GLT8D2: variants seen among roughly 807,000 people sequenced by gnomAD.
The protein encoded by GLT8D2 is glycosyltransferase 8 domain-containing protein 2.
GLT8D2 carries 45 observed loss-of-function variants against 44.5 expected under a neutral mutation model. That is an observed-to-expected ratio of 1.01 (90% CI 0.80 to 1.30). The LOEUF (loss-of-function observed/expected upper bound fraction) is 1.30. Ranked by LOEUF, GLT8D2 falls within the 50% of genes most tolerant of loss-of-function variation. GLT8D2 has a pLI of 0.00. For missense variants in GLT8D2, 400 were observed against 430.4 expected (o/e 0.93, Z 0.62); for synonymous variants, 156 against 157.2 (o/e 0.99, Z 0.06).
At chr12:104,008,542 C>G (rs776409327) in intron 4 of GLT8D2, among the ~76,000 whole-genome samples, 3 of 151,812 alleles carry the variant, frequency 2.0e-5, no homozygotes, top group Middle Eastern at 3.4e-3. Flanking sequence ...TGCAGCCTGA[C>G]AATGTGATAG....
At chr12:104,045,936 A>AAAGAAAG (rs1881080150) in intron 1 of GLT8D2, among the ~76,000 whole-genome samples, 1 of 118,260 alleles carries the variant, frequency 8.5e-6, no homozygotes, top group Non-Finnish European at 1.9e-5. Context: ...AGAAAGAAAG[A>AAAGAAAG]AAAAGAAAGA....
intron 5 of GLT8D2, among the ~76,000 whole-genome samples, chr12:104,001,694 A>ATTTATTTATTTATATT (rs1874240020): frequency 6.6e-6 from 1 of 151,922 alleles, no homozygotes; most frequent in African/African-American, 2.4e-5. Context: ...TTATTTATTT[A>ATTTATTTATTTATATT]TTTTTTATTT....
intron 9 of GLT8D2, 126 bp from the exon 10 acceptor site, chr12:103,993,630 T>G: frequency 1.6e-6 from 1 of 618,206 alleles, no homozygotes; most frequent in Non-Finnish European, 2.7e-6. Flanking sequence ...TGGCCTTTCA[T>G]TCTCCCCCAA....
chr12:103,996,123 C>T (rs1450459749), intron 8 of GLT8D2, among the ~76,000 whole-genome samples: 2 of 152,142 alleles, frequency 1.3e-5, no homozygotes, highest in South Asian at 4.1e-4. Flanking sequence ...TTGCTAGAAG[C>T]TTTTTTGAAA....
intron 10 of GLT8D2, among the ~76,000 whole-genome samples, chr12:103,989,887 T>A (rs1872504425): frequency 6.6e-6 from 1 of 152,000 alleles, no homozygotes; most frequent in Admixed American, 6.6e-5. Context: ...CATTGCCTTT[T>A]AAAATTACTG....
chr12:104,028,711 T>C (rs1056057757), intron 1 of GLT8D2, among the ~76,000 whole-genome samples: 3 of 152,084 alleles, frequency 2.0e-5, no homozygotes, highest in African/African-American at 7.2e-5. Flanking sequence ...GGGGGTAAAA[T>C]GTTGTTGGGG....
rs1208446025 is a variant in GLT8D2 at position 103,994,257 on chromosome 12, C to T, written c.767+78G>A. The T allele has an allele frequency of 5.7e-6, 8 of 1,397,116 alleles. No homozygotes were observed. The African/African-American group carries it at 1.1e-4, about 20-fold the overall frequency. 86.5% of individuals were successfully genotyped at this position (1,397,116 alleles called of 1,614,324 possible). On this transcript the variant is annotated intron_variant, in intron 9 of 10. Transcript: ENST00000360814. ...AGATGACTGTGAAATATTTCTAACC[C>T]TTGAACTATGTGTGGAAAATTAATT...
At chr12:104,061,194 A>T (rs1882614990) in intron 1 of GLT8D2, among the ~76,000 whole-genome samples, 1 of 152,236 alleles carries the variant, frequency 6.6e-6, no homozygotes, top group African/African-American at 2.4e-5. Flanking sequence ...CTAGGAAACT[A>T]GTACACATTT....
At chr12:104,014,989 T>A (rs773112692) in intron 4 of GLT8D2, 24 bp downstream of exon 4, 6 of 1,533,242 alleles carry the variant, frequency 3.9e-6, no homozygotes, top group Non-Finnish European at 5.4e-6. Context: ...GTATCCCAAC[T>A]CAATGAATTC....
At chr12:104,011,348 A>T (rs1027133429) in intron 4 of GLT8D2, among the ~76,000 whole-genome samples, 1 of 152,236 alleles carries the variant, frequency 6.6e-6, no homozygotes, top group African/African-American at 2.4e-5. Flanking sequence ...ATGCTGGCAG[A>T]ATGGAACAGA....
intron 1 of GLT8D2, among the ~76,000 whole-genome samples, chr12:104,038,870 C>T (rs1187345492): frequency 2.0e-5 from 3 of 152,164 alleles, no homozygotes; most frequent in Non-Finnish European, 4.4e-5. Context: ...AAGCTGGAGG[C>T]ATCACGCTAC....
chr12:103,996,596 AC>A (rs757558360), intron 8 of GLT8D2, 138 bp downstream of exon 8: 2 of 626,040 alleles, frequency 3.2e-6, no homozygotes, highest in Non-Finnish European at 5.7e-6. Flanking sequence ...AGACCCCTGT[AC>A]TGTTCCACCT....
chr12:103,999,884 A>G (rs1242894951), intron 5 of GLT8D2, among the ~76,000 whole-genome samples: 2 of 152,202 alleles, frequency 1.3e-5, no homozygotes, highest in Admixed American at 6.5e-5. Flanking sequence ...CTGAAATATT[A>G]TGAAACAGGA....
In GLT8D2 at chr12:103,999,492, G is replaced by C; in HGVS notation, c.307C>G (p.Leu103Val). ...RIRKWIEHSKLREINFKIVEF... is the reference protein window; with the variant it reads ...RIRKWIEHSKVREINFKIVEF... ...ACGATTTTAAAGTTTATTTCTCTCA[G>C]TTTGGAATGTTCAATCCATTTTCTA... The change falls in exon 6 of 11, where the codon CTG (leucine) becomes GTG (valine). Residue 103 changes from leucine to valine, a missense_variant. By Grantham distance (32) the Leu-to-Val change is conservative (BLOSUM62 1). Transcript: ENST00000360814. 1 of 1,608,448 alleles carries C rather than the reference G, an allele frequency of 6.2e-7. No homozygotes were observed. The highest frequency in any genetic ancestry group is 8.5e-7 in the Non-Finnish European group (1 of 1,175,806).
At chr12:104,019,587 A>G (rs373777994) in intron 3 of GLT8D2, 43 bp downstream of exon 3, 11 of 1,511,748 alleles carry the variant, frequency 7.3e-6, no homozygotes, top group Admixed American at 5.2e-5. Context: ...CCATCCTCCC[A>G]AATATGTTTT....
rs1369144432 is a variant in GLT8D2 at position 104,024,777 on chromosome 12, G to A, written c.-163-3286C>T. 2.0e-5 allele frequency among the ~76,000 whole-genome samples: 3 copies of A among 151,972 alleles called. No homozygotes were observed. In the East Asian group the frequency reaches 5.8e-4, roughly 29 times the overall value. On this transcript the variant is annotated intron_variant, in intron 1 of 10. Transcript: ENST00000360814. ...AGTTGTTTATATATTCCGCATACAAGTCCTGTGTTAGGCCTCAGTGCTGTG... is the reference window on the plus strand; with the variant it reads ...AGTTGTTTATATATTCCGCATACAAATCCTGTGTTAGGCCTCAGTGCTGTG...
chr12:104,039,476 G>C (rs1365674375), intron 1 of GLT8D2, among the ~76,000 whole-genome samples: 2 of 152,188 alleles, frequency 1.3e-5, no homozygotes, highest in African/African-American at 4.8e-5. Context: ...CCATCAAAAA[G>C]TGGGCGAAGG....
At chr12:104,033,370 G>A (rs1423148422) in intron 1 of GLT8D2, among the ~76,000 whole-genome samples, 2 of 152,254 alleles carry the variant, frequency 1.3e-5, no homozygotes, top group East Asian at 3.9e-4. Context: ...GGTGAGCCTG[G>A]AGGACATTAT....
intron 1 of GLT8D2, among the ~76,000 whole-genome samples, chr12:104,022,073 AG>A (rs761401775): frequency 0.024 from 3,071 of 127,970 alleles, 355 homozygotes; most frequent in Middle Eastern, 0.051. Flanking sequence ...AAAGAAAGAA[AG>A]AAAAAAAAAG....
Sources: allele counts gnomAD v4.1 joint callset (sites outside exome capture counted in the v4.1 genomes callset), GRCh38; gene constraint gnomAD v4.1.1; transcripts MANE v1.5; gene names NCBI Gene and HGNC (gene_info 2026-07-23, HGNC 2026-07-21).